The following PDGFRL variants were observed in gnomAD, a reference collection of about 807,000 sequenced individuals.
PDGFRL encodes the protein platelet-derived growth factor receptor-like protein.
PDGFRL carries 46 observed loss-of-function variants against 37.2 expected under a neutral mutation model. The ratio of observed to expected loss-of-function variants is 1.24; its 90% confidence interval spans 0.98 to 1.58. PDGFRL has a LOEUF of 1.58. PDGFRL is among the 40% of genes most tolerant of loss of function. The pLI, the probability that PDGFRL is intolerant of heterozygous loss-of-function variation, is 0.00. For missense variants in PDGFRL, 692 were observed against 467.6 expected, an observed-to-expected ratio of 1.48 and a Z score of -4.43; for synonymous variants, 251 against 184.3, an observed-to-expected ratio of 1.36 and a Z score of -2.93.
chr8:17,599,533 C>T (rs1332999447), intron 2 of PDGFRL, among the ~76,000 whole-genome samples: 2 of 152,156 alleles, frequency 1.3e-5, no homozygotes, highest in East Asian at 3.9e-4. Flanking sequence ...ACTTGCGACC[C>T]TAAATGACCC....
intron 4 of PDGFRL, among the ~76,000 whole-genome samples, chr8:17,630,719 G>A (rs181694148): frequency 1.3e-5 from 2 of 152,280 alleles, no homozygotes; most frequent in Admixed American, 6.5e-5. Flanking sequence ...AGAGCTGGCA[G>A]TCCCTGGTAA....
At chr8:17,583,044 C>G (rs1177536760) in intron 1 of PDGFRL, among the ~76,000 whole-genome samples, 5 of 152,086 alleles carry the variant, frequency 3.3e-5, no homozygotes, top group Non-Finnish European at 7.3e-5. Context: ...AGAGGTTGCT[C>G]CAGAGGGCAC....
intron 2 of PDGFRL, among the ~76,000 whole-genome samples, chr8:17,591,251 C>G (rs1325680439): frequency 3.3e-5 from 5 of 152,040 alleles, no homozygotes; most frequent in African/African-American, 4.8e-5. Flanking sequence ...GTAAGAAGGC[C>G]CATGATTTCT....
At chr8:17,599,910 C>T (rs570825861) in intron 2 of PDGFRL, among the ~76,000 whole-genome samples, 26 of 152,226 alleles carry the variant, frequency 1.7e-4, no homozygotes, top group East Asian at 1.9e-4. Flanking sequence ...CCTACTTTCC[C>T]AGGAACTTCA....
intron 2 of PDGFRL, among the ~76,000 whole-genome samples, chr8:17,599,256 C>T (rs1331623173): frequency 5.5e-4 from 84 of 152,180 alleles, no homozygotes; most frequent in Admixed American, 5.5e-3. Flanking sequence ...GTATACACTG[C>T]ACCATATTTG....
At chr8:17,640,634 C>T (rs910702790) in intron 5 of PDGFRL, among the ~76,000 whole-genome samples, 4 of 152,154 alleles carry the variant, frequency 2.6e-5, no homozygotes, top group Non-Finnish European at 5.9e-5. Context: ...TGTCTCAGGT[C>T]TCTCAGCCAT....
At chr8:17,586,151 A>ATG (rs142065709) in intron 1 of PDGFRL, among the ~76,000 whole-genome samples, 1 of 151,926 alleles carries the variant, frequency 6.6e-6, no homozygotes, top group Non-Finnish European at 1.5e-5. Context: ...ATGAGGTTTT[A>ATG]CTATGTTGGC....
intron 3 of PDGFRL, among the ~76,000 whole-genome samples, chr8:17,626,182 C>G (rs1804730527): frequency 1.3e-5 from 2 of 152,200 alleles, no homozygotes; most frequent in South Asian, 4.1e-4. Flanking sequence ...ATTATCCACT[C>G]CAGATTCTTC....
intron 4 of PDGFRL, 127 bp from the exon 5 acceptor site, chr8:17,633,947 C>T: frequency 2.1e-6 from 2 of 935,182 alleles, no homozygotes; most frequent in Admixed American, 3.4e-5. Context: ...ACTGTCCTCG[C>T]ACTGGTCAGG....
intron 2 of PDGFRL, among the ~76,000 whole-genome samples, chr8:17,592,529 C>G (rs548122296): frequency 1.3e-5 from 2 of 152,190 alleles, no homozygotes; most frequent in African/African-American, 4.8e-5. Context: ...TGACCTCTGC[C>G]GTCCTCTGGA....
chr8:17,595,740 G>A (rs1804039256), intron 2 of PDGFRL, among the ~76,000 whole-genome samples: 1 of 152,220 alleles, frequency 6.6e-6, no homozygotes, highest in African/African-American at 2.4e-5. Flanking sequence ...GGTACCCCAG[G>A]TAGAGCTAAG....
chr8:17,607,561 C>A (rs1036486917), intron 2 of PDGFRL, among the ~76,000 whole-genome samples: 1 of 152,178 alleles, frequency 6.6e-6, no homozygotes, highest in African/African-American at 2.4e-5. Context: ...ACCAAAGACA[C>A]TGTAGGAATA....
intron 3 of PDGFRL, among the ~76,000 whole-genome samples, chr8:17,625,377 C>T (rs1459753854): frequency 6.6e-6 from 1 of 151,958 alleles, no homozygotes; most frequent in Admixed American, 6.6e-5. Flanking sequence ...GTCTCGGTCT[C>T]CTGACCTCAT....
intron 1 of PDGFRL, among the ~76,000 whole-genome samples, chr8:17,581,877 C>G (rs923151999): frequency 6.6e-6 from 1 of 152,066 alleles, no homozygotes; most frequent in Non-Finnish European, 1.5e-5. Flanking sequence ...TGAACTAACA[C>G]AGAAAATTGG....
At chr8:17,610,880 C>T (rs1585317848) in intron 2 of PDGFRL, among the ~76,000 whole-genome samples, 1 of 152,158 alleles carries the variant, frequency 6.6e-6, no homozygotes, top group East Asian at 1.9e-4. Context: ...CACTGCACTC[C>T]AGCCTGGGGG....
rs145850852 is a variant in PDGFRL at position 17,627,022 on chromosome 8, C to A, written c.506-1465C>A. Among the ~76,000 whole-genome samples the A allele has an allele frequency of 4.1e-3, 618 of 152,296 alleles. 2 individuals are homozygous for A. The highest frequency in any genetic ancestry group is 6.8e-3 in the Middle Eastern group (2 of 294). On this transcript the variant is annotated intron_variant, in intron 3 of 5. Coordinates refer to ENST00000251630, the MANE Select transcript of PDGFRL (RefSeq NM_001372073.1). ...AGCCGACGCCATTCCCCTCCGCTAA[C>A]CTTGGCAGGCGCCAGATCCTCTGGG...
At chr8:17,580,636 G>A (rs7007323) in intron 1 of PDGFRL, among the ~76,000 whole-genome samples, 2,959 of 152,220 alleles carry the variant, frequency 0.019, 109 homozygotes, top group African/African-American at 0.065. Context: ...TTAAGGAAGT[G>A]GTAAGTGGCA....
At chr8:17,612,977 AT>A (rs1804452624) in intron 2 of PDGFRL, among the ~76,000 whole-genome samples, 1 of 152,252 alleles carries the variant, frequency 6.6e-6, no homozygotes, top group East Asian at 1.9e-4. Flanking sequence ...GTGTAAAATT[AT>A]CAAAATATTC....
intron 1 of PDGFRL, among the ~76,000 whole-genome samples, chr8:17,582,558 G>C (rs1220291226): frequency 7.1e-6 from 1 of 140,896 alleles, no homozygotes; most frequent in African/African-American, 2.6e-5. Flanking sequence ...CTGCAGCCTG[G>C]TGACAGAGTG....
Sources: allele counts gnomAD v4.1 joint callset (sites outside exome capture counted in the v4.1 genomes callset), GRCh38; gene constraint gnomAD v4.1.1; transcripts MANE v1.5; gene names NCBI Gene and HGNC (gene_info 2026-07-23, HGNC 2026-07-21).